Variants in MOSMO observed in about 807,000 individuals in gnomAD.
The protein encoded by MOSMO is modulator of smoothened, also known as modulator of smoothened protein.
Under a neutral mutation model 18.4 loss-of-function variants are expected in MOSMO, and 5 were observed. That is an observed-to-expected ratio of 0.27 (90% CI 0.14 to 0.57). MOSMO has a LOEUF of 0.57. Among genes scored for constraint, MOSMO ranks in the 20% least tolerant of loss-of-function variants. The pLI is 0.92. For synonymous variants in MOSMO, 82 were observed against 82.3 expected, an observed-to-expected ratio of 1.00 and a Z score of 0.02; for missense variants, 138 against 211.8, an observed-to-expected ratio of 0.65 and a Z score of 2.16.
intron 1 of MOSMO, among the ~76,000 whole-genome samples, chr16:22,023,176 A>G (rs1003020406): frequency 1.3e-5 from 2 of 152,236 alleles, no homozygotes; most frequent in Non-Finnish European, 2.9e-5. Context: ...ACAAATGTAG[A>G]CAGTCATATA....
At chr16:22,024,800 G>T (rs2141989113) in intron 1 of MOSMO, among the ~76,000 whole-genome samples, 1 of 152,200 alleles carries the variant, frequency 6.6e-6, no homozygotes, top group Non-Finnish European at 1.5e-5. Flanking sequence ...TAGAATGCAG[G>T]AGACATTATA....
At chr16:22,080,368 A>G (rs540207688) in intron 2 of MOSMO, among the ~76,000 whole-genome samples, 2 of 152,296 alleles carry the variant, frequency 1.3e-5, no homozygotes, top group South Asian at 2.1e-4. Context: ...TTGAGCCCCT[A>G]TCTGACTCTA....
chr16:22,024,148 G>A (rs938222338), intron 1 of MOSMO, among the ~76,000 whole-genome samples: 19 of 151,936 alleles, frequency 1.3e-4, no homozygotes, highest in Admixed American at 4.6e-4. Flanking sequence ...CCTGGATCTA[G>A]ATCTTCTAGA....
chr16:22,066,120 A>G (rs991265968), intron 1 of MOSMO, among the ~76,000 whole-genome samples: 2 of 152,122 alleles, frequency 1.3e-5, no homozygotes, highest in Non-Finnish European at 2.9e-5. Context: ...TTAGCAACCA[A>G]TTGAGAGGGC....
downstream of MOSMO, among the ~76,000 whole-genome samples, chr16:22,091,636 C>A (rs1469246175): frequency 6.6e-6 from 1 of 152,180 alleles, no homozygotes; most frequent in African/African-American, 2.4e-5. Context: ...AGCAGTCCTC[C>A]CGCCTCAGCC....
chr16:22,070,118 A>T (rs963551055), intron 1 of MOSMO, among the ~76,000 whole-genome samples: 1 of 152,182 alleles, frequency 6.6e-6, no homozygotes. Flanking sequence ...AATAATAGAG[A>T]CTGATACCTA....
chr16:22,016,015 ATAGT>A, intron 1 of MOSMO, among the ~76,000 whole-genome samples: 1 of 152,292 alleles, frequency 6.6e-6, no homozygotes, highest in South Asian at 2.1e-4. Context: ...CAAATTTTGC[ATAGT>A]AATAGTTACA....
intron 1 of MOSMO, among the ~76,000 whole-genome samples, chr16:22,050,886 A>AG (rs1491399030): frequency 1.4e-5 from 2 of 148,140 alleles, no homozygotes; most frequent in African/African-American, 4.9e-5. Context: ...CTGTCTCTTA[A>AG]GAAAAAAAAA....
intron 1 of MOSMO, among the ~76,000 whole-genome samples, chr16:22,039,612 G>T (rs750613454): frequency 5.3e-4 from 80 of 152,174 alleles, no homozygotes; most frequent in Non-Finnish European, 8.7e-4. Flanking sequence ...TGGGAGGATT[G>T]CTTGAGGCCA....
At chr16:22,020,862 A>G (rs1379921990) in intron 1 of MOSMO, among the ~76,000 whole-genome samples, 3 of 152,232 alleles carry the variant, frequency 2.0e-5, no homozygotes, top group African/African-American at 4.8e-5. Context: ...CCTATGTGAT[A>G]TAGTTGTTCA....
At chr16:22,089,707 G>C (rs1901258698), downstream of MOSMO, among the ~76,000 whole-genome samples, 1 of 147,734 alleles carries the variant, frequency 6.8e-6, no homozygotes, top group South Asian at 2.2e-4. Context: ...TGAGGCAGTA[G>C]TTTTACTGTG....
At chr16:22,072,370 G>C (rs1389321946) in intron 1 of MOSMO, among the ~76,000 whole-genome samples, 1 of 152,150 alleles carries the variant, frequency 6.6e-6, no homozygotes, top group Non-Finnish European at 1.5e-5. Flanking sequence ...TCTCACTCAA[G>C]AAAATGAACT....
chr16:22,087,646 C>T (rs1324265781), downstream of MOSMO: 2 of 152,142 alleles, frequency 1.3e-5, no homozygotes, highest in African/African-American at 4.8e-5. Flanking sequence ...TCTAAGAAGG[C>T]TTTTGACTAC....
intron 2 of MOSMO, chr16:22,075,921 T>G: frequency 2.2e-6 from 1 of 447,450 alleles, no homozygotes; most frequent in Non-Finnish European, 4.1e-6. Context: ...GAAATGCTAT[T>G]TTAATGAATT....
At chr16:22,035,011 G>A (rs1265977900) in intron 1 of MOSMO, among the ~76,000 whole-genome samples, 1 of 152,106 alleles carries the variant, frequency 6.6e-6, no homozygotes, top group Non-Finnish European at 1.5e-5. Context: ...TGGGATTACA[G>A]GTGTGAGCCA....
At chr16:22,022,962 G>A (rs534804561) in intron 1 of MOSMO, among the ~76,000 whole-genome samples, 1 of 152,280 alleles carries the variant, frequency 6.6e-6, no homozygotes, top group Admixed American at 6.5e-5. Context: ...GTAACCAAGT[G>A]TCAGTCAAGG....
chr16:22,092,583 G>C, the MOSMO span: 36 of 1,547,264 alleles, frequency 2.3e-5, no homozygotes, highest in South Asian at 3.6e-4. Flanking sequence ...GTGAGATCCA[G>C]GAGAAGTAAG....
Position 22,082,892 on chromosome 16 carries a change from A to G in MOSMO, c.*2012A>G, listed in dbSNP as rs1156431303. 6.6e-6 allele frequency: 1 copy of G among 152,194 alleles called. No homozygotes were observed. Among genetic ancestry groups the G allele is most frequent in the Admixed American group, 6.5e-5 (1 of 15,276 alleles). 9.4% of individuals were successfully genotyped at this position (152,194 alleles called of 1,614,324 possible). On this transcript the variant is annotated 3_prime_UTR_variant, in exon 3 of 3. Transcript: ENST00000542527. Reference sequence around the variant, plus strand: ...TAAAAGAAACCTTTGGGAGATCCTGAGGGAGACTGTTTCTCCCCAAGTATG... The same window carrying G: ...TAAAAGAAACCTTTGGGAGATCCTGGGGGAGACTGTTTCTCCCCAAGTATG...
At chr16:22,043,423 C>G in intron 1 of MOSMO, among the ~76,000 whole-genome samples, 1 of 152,112 alleles carries the variant, frequency 6.6e-6, no homozygotes, top group East Asian at 1.9e-4. Context: ...TTACATTGCT[C>G]ACATGGATGC....
Sources: allele counts gnomAD v4.1 joint callset (sites outside exome capture counted in the v4.1 genomes callset), GRCh38; gene constraint gnomAD v4.1.1; transcripts MANE v1.5; gene names NCBI Gene and HGNC (gene_info 2026-07-23, HGNC 2026-07-21).